The following PLXDC2 variants were observed in gnomAD, a reference collection of about 807,000 sequenced individuals.
PLXDC2 encodes plexin domain-containing protein 2.
In PLXDC2, 40 loss-of-function variants were observed where a neutral mutation model predicts 68.9. The observed-to-expected ratio is 0.58, with a 90% confidence interval of 0.45 to 0.76. PLXDC2 has a LOEUF of 0.76. Ranked by LOEUF, PLXDC2 falls within the 30% of genes least tolerant of loss-of-function variation. The pLI, the probability that PLXDC2 is intolerant of heterozygous loss-of-function variation, is 0.00. For synonymous variants in PLXDC2, 243 were observed against 234.2 expected (o/e 1.04, Z -0.34); for missense variants, 644 against 661.9 (o/e 0.97, Z 0.30).
intron 7 of PLXDC2, among the ~76,000 whole-genome samples, chr10:20,166,533 C>G (rs1406756252): frequency 2.0e-5 from 3 of 152,078 alleles, no homozygotes; most frequent in African/African-American, 7.2e-5. Context: ...TTCTCACATT[C>G]TTTCTTTCAG....
intron 12 of PLXDC2, among the ~76,000 whole-genome samples, chr10:20,223,642 G>A (rs1217097340): frequency 6.6e-6 from 1 of 152,032 alleles, no homozygotes; most frequent in Admixed American, 6.6e-5. Context: ...CTTCCCATGG[G>A]AAATGCCACA....
intron 1 of PLXDC2, among the ~76,000 whole-genome samples, chr10:19,865,645 T>C (rs1837400504): frequency 6.6e-6 from 1 of 152,348 alleles, no homozygotes; most frequent in South Asian, 2.1e-4. Context: ...AAAGTTCTAA[T>C]TGAAGGTTGT....
At chr10:20,165,920 T>G (rs1377775179) in intron 7 of PLXDC2, among the ~76,000 whole-genome samples, 3 of 152,106 alleles carry the variant, frequency 2.0e-5, no homozygotes, top group Non-Finnish European at 4.4e-5. Context: ...TCCCGAGAGA[T>G]GCTTTGGTGT....
Position 19,860,260 on chromosome 10 carries a change from T to G in PLXDC2, c.112+43069T>G, listed in dbSNP as rs554270243. ...CAATTATGTTTGTTCACTGGTAAAG[T>G]AAATCCAGTGACTTTTGCAAGCTTG... On this transcript the variant is annotated intron_variant, in intron 1 of 13. Transcript: ENST00000377252. 5.3e-5 allele frequency among the ~76,000 whole-genome samples: 8 copies of G among 152,302 alleles called. No homozygotes were observed. In the South Asian group the frequency reaches 1.7e-3, roughly 32 times the overall value.
chr10:20,061,444 C>T (rs1374971757), intron 3 of PLXDC2, among the ~76,000 whole-genome samples: 1 of 152,116 alleles, frequency 6.6e-6, no homozygotes, highest in African/African-American at 2.4e-5. Flanking sequence ...TGTCCTTCCT[C>T]GTGCATCATA....
chr10:20,035,717 T>A (rs1835566321), intron 2 of PLXDC2, among the ~76,000 whole-genome samples: 1 of 151,954 alleles, frequency 6.6e-6, no homozygotes, highest in African/African-American at 2.4e-5. Context: ...TAAAAAATTT[T>A]AAAAAAGTAT....
intron 5 of PLXDC2, among the ~76,000 whole-genome samples, chr10:20,147,036 A>G (rs1350262797): frequency 3.3e-5 from 5 of 152,146 alleles, no homozygotes; most frequent in African/African-American, 7.2e-5. Flanking sequence ...AGAGTACACA[A>G]TGTCAGTTAA....
chr10:20,211,589 A>C lies in PLXDC2; in HGVS notation c.1062-80A>C, dbSNP rs1369910976. 5.5e-6 allele frequency: 7 copies of C among 1,279,308 alleles called. No individual in the cohort carries two copies. In the East Asian group the frequency reaches 9.6e-5, roughly 17 times the overall value. The allele number at this position is 1,279,308 out of a possible 1,614,324, so 79.2% of individuals were successfully genotyped here. A position where few individuals can be genotyped will look rare whatever the true frequency, so the allele number is the denominator to read the frequency against. ...AAAATGTGAGAATGAACTACCTACT[A>C]ATCTTTTACTTTTAATTTCTGTCCA... On this transcript the variant is annotated intron_variant, in intron 9 of 13. Transcript: ENST00000377252.
At chr10:19,963,688 G>A (rs887695204) in intron 1 of PLXDC2, among the ~76,000 whole-genome samples, 9 of 152,084 alleles carry the variant, frequency 5.9e-5, no homozygotes, top group African/African-American at 2.2e-4. Flanking sequence ...GGCCTGTTGT[G>A]GGGTGGGGCG....
chr10:19,976,639 T>C (rs1834460911), intron 1 of PLXDC2, among the ~76,000 whole-genome samples: 2 of 152,198 alleles, frequency 1.3e-5, no homozygotes, highest in Non-Finnish European at 2.9e-5. Context: ...TATAATTCTT[T>C]CATTGCAGAG....
chr10:19,897,358 G>C (rs1838077338), intron 1 of PLXDC2, among the ~76,000 whole-genome samples: 3 of 151,960 alleles, frequency 2.0e-5, no homozygotes, highest in South Asian at 4.1e-4. Context: ...TCCTGCCTCA[G>C]CCTCCCCAGT....
intron 7 of PLXDC2, among the ~76,000 whole-genome samples, chr10:20,168,975 GT>G (rs766763317): frequency 2.0e-5 from 3 of 148,568 alleles, no homozygotes; most frequent in Non-Finnish European, 4.5e-5. Flanking sequence ...TCTGCCCCCT[GT>G]TTTCACCTTC....
chr10:19,920,252 G>A (rs1208831399), intron 1 of PLXDC2, among the ~76,000 whole-genome samples: 3 of 152,202 alleles, frequency 2.0e-5, no homozygotes, highest in Non-Finnish European at 4.4e-5. Flanking sequence ...GAACTGCTGA[G>A]CAGAGGAGGG....
At chr10:19,981,475 T>C (rs1008534671) in intron 1 of PLXDC2, among the ~76,000 whole-genome samples, 1 of 152,164 alleles carries the variant, frequency 6.6e-6, no homozygotes. Flanking sequence ...CCTCATTCCG[T>C]TGGAGATGAT....
At chr10:19,817,993 GC>G (rs1836388182) in intron 1 of PLXDC2, among the ~76,000 whole-genome samples, 1 of 152,182 alleles carries the variant, frequency 6.6e-6, no homozygotes, top group African/African-American at 2.4e-5. Flanking sequence ...AGCGGGAGCT[GC>G]CTCCTGGAAC....
intron 12 of PLXDC2, among the ~76,000 whole-genome samples, chr10:20,235,811 G>T (rs1835424981): frequency 1.3e-5 from 2 of 152,162 alleles, no homozygotes; most frequent in African/African-American, 4.8e-5. Flanking sequence ...TAAATGATCT[G>T]TTTGAACATA....
intron 1 of PLXDC2, among the ~76,000 whole-genome samples, chr10:19,934,006 A>G (rs755206924): frequency 1.3e-5 from 2 of 152,166 alleles, no homozygotes; most frequent in Non-Finnish European, 2.9e-5. Context: ...TGTTTTGTAG[A>G]ATATTAAATA....
intron 1 of PLXDC2, among the ~76,000 whole-genome samples, chr10:19,966,332 GTACACATATATAATAAA>G: frequency 1.7e-4 from 1 of 5,990 alleles, no homozygotes; most frequent in Admixed American, 1.9e-3. Context: ...ATATGTATAT[GTACACATATATAATAAA>G]TGTATGTATA....
chr10:19,855,117 G>A (rs1390707741), intron 1 of PLXDC2, among the ~76,000 whole-genome samples: 3 of 152,120 alleles, frequency 2.0e-5, no homozygotes, highest in Non-Finnish European at 4.4e-5. Context: ...ATTGTGCCTG[G>A]TTCATACAAC....
Sources: gnomAD v4.1 joint callset for allele counts (sites outside exome capture counted in the v4.1 genomes callset) on GRCh38, gnomAD v4.1.1 for gene constraint, MANE v1.5 for transcripts, NCBI Gene and HGNC (gene_info 2026-07-23, HGNC 2026-07-21) for gene names.